The following NTM variants were observed in gnomAD, a reference collection of about 807,000 sequenced individuals.
The protein encoded by NTM is neurotrimin, also known as IgLON family member 2.
NTM carries 13 observed loss-of-function variants against 42.1 expected under a neutral mutation model. That is an observed-to-expected ratio of 0.31 (90% confidence interval 0.20 to 0.49). The LOEUF is 0.49. NTM is among the 20% of genes least tolerant of loss of function. The probability of loss-of-function intolerance (pLI) is 0.99; values close to 1 mark genes in which losing one functional copy is unlikely to be tolerated. For synonymous variants in NTM, 187 were observed against 179.2 expected, an observed-to-expected ratio of 1.04 and a Z score of -0.35; for missense variants, 373 against 452.8, an observed-to-expected ratio of 0.82 and a Z score of 1.60.
intron 2 of NTM, among the ~76,000 whole-genome samples, chr11:132,036,154 A>G (rs11603571): frequency 0.021 from 3,195 of 152,206 alleles, 73 homozygotes; most frequent in Middle Eastern, 0.037. Context: ...TTTCTTCTGC[A>G]TGGCGTGTTA....
chr11:132,143,324 CA>C (rs2069599137), intron 2 of NTM, among the ~76,000 whole-genome samples: 1 of 152,126 alleles, frequency 6.6e-6, no homozygotes. Context: ...ATCAGAAACC[CA>C]TGGAGTAAGG....
At chr11:131,743,944 A>G (rs980977060) in intron 1 of NTM, among the ~76,000 whole-genome samples, 3 of 152,190 alleles carry the variant, frequency 2.0e-5, no homozygotes, top group African/African-American at 7.2e-5. Flanking sequence ...TTCTTATGGC[A>G]TATTGTGATA....
At chr11:131,711,465 A>C (rs542102471) in intron 1 of NTM, among the ~76,000 whole-genome samples, 22 of 152,356 alleles carry the variant, frequency 1.4e-4, no homozygotes, top group Non-Finnish European at 2.4e-4. Context: ...GGCAATCATT[A>C]AAAAGTCAGG....
chr11:131,631,782 C>G (rs1214220990), intron 1 of NTM, among the ~76,000 whole-genome samples: 1 of 152,144 alleles, frequency 6.6e-6, no homozygotes, highest in Non-Finnish European at 1.5e-5. Context: ...AATGTCTGCC[C>G]TGTATCTTTC....
intron 2 of NTM, among the ~76,000 whole-genome samples, chr11:132,020,240 A>T (rs945586883): frequency 1.3e-5 from 2 of 152,016 alleles, no homozygotes; most frequent in Non-Finnish European, 2.9e-5. Flanking sequence ...TCTACCACTG[A>T]TGGGCACCTG....
At chr11:132,075,079 A>G (rs1231737881) in intron 2 of NTM, among the ~76,000 whole-genome samples, 1 of 152,194 alleles carries the variant, frequency 6.6e-6, no homozygotes. Context: ...AATGAAATAA[A>G]CCAGTCAGAA....
chr11:131,693,607 C>A (rs139387348), intron 1 of NTM, among the ~76,000 whole-genome samples: 7 of 152,188 alleles, frequency 4.6e-5, no homozygotes, highest in African/African-American at 1.7e-4. Context: ...CCAGCCCCAT[C>A]TGTTGCTGAG....
intron 1 of NTM, among the ~76,000 whole-genome samples, chr11:131,500,788 A>G (rs1367155109): frequency 7.8e-6 from 1 of 127,564 alleles, no homozygotes; most frequent in Non-Finnish European, 1.6e-5. Context: ...CCTGTGTCCA[A>G]GTGTTCTCAT....
At chr11:131,590,546 C>A (rs2137278727) in intron 1 of NTM, among the ~76,000 whole-genome samples, 1 of 152,340 alleles carries the variant, frequency 6.6e-6, no homozygotes, top group Middle Eastern at 3.4e-3. Context: ...CAGGTGTCCC[C>A]TGCACGACAA....
At chr11:131,595,028 T>C (rs759100539) in intron 1 of NTM, among the ~76,000 whole-genome samples, 54 of 152,226 alleles carry the variant, frequency 3.5e-4, no homozygotes, top group Non-Finnish European at 6.8e-4. Context: ...AGTCATATAA[T>C]GTATGCAGAA....
At chr11:131,704,282 G>A (rs770515057) in intron 1 of NTM, among the ~76,000 whole-genome samples, 2 of 152,168 alleles carry the variant, frequency 1.3e-5, no homozygotes, top group Non-Finnish European at 2.9e-5. Context: ...GCAAGCCCGA[G>A]GCTCATCCAT....
At chr11:132,228,146 G>C (rs1459785951) in intron 4 of NTM, among the ~76,000 whole-genome samples, 1 of 152,136 alleles carries the variant, frequency 6.6e-6, no homozygotes, top group Non-Finnish European at 1.5e-5. Flanking sequence ...GAAGTGCAGG[G>C]GCAACCCAAC....
chr11:131,557,900 A>C (rs2055671509), intron 1 of NTM, among the ~76,000 whole-genome samples: 1 of 152,208 alleles, frequency 6.6e-6, no homozygotes, highest in Admixed American at 6.5e-5. Flanking sequence ...CATGCAGCTC[A>C]GCTTTTGAGG....
intron 1 of NTM, among the ~76,000 whole-genome samples, chr11:131,550,166 A>C (rs923653499): frequency 2.0e-5 from 3 of 152,262 alleles, no homozygotes; most frequent in Non-Finnish European, 2.9e-5. Flanking sequence ...CTATGTGCCA[A>C]GCACAGTTCT....
At chr11:131,522,579 T>G (rs1380602482) in intron 1 of NTM, among the ~76,000 whole-genome samples, 1 of 152,142 alleles carries the variant, frequency 6.6e-6, no homozygotes, top group Non-Finnish European at 1.5e-5. Flanking sequence ...CTATTTGAGC[T>G]AAAGTAAAAC....
At chr11:131,702,479 C>T (rs534080538) in intron 1 of NTM, among the ~76,000 whole-genome samples, 12 of 152,218 alleles carry the variant, frequency 7.9e-5, no homozygotes, top group African/African-American at 1.2e-4. Flanking sequence ...GGTCACACAA[C>T]GAGCAGGTGG....
intron 4 of NTM, among the ~76,000 whole-genome samples, chr11:132,242,924 A>T (rs200896447): frequency 6.6e-6 from 1 of 152,212 alleles, no homozygotes; most frequent in African/African-American, 2.4e-5. Flanking sequence ...TGTGGCAGGG[A>T]GGAGAGTAGC....
intron 1 of NTM, among the ~76,000 whole-genome samples, chr11:131,779,777 GA>G (rs2087718231): frequency 6.6e-6 from 1 of 152,156 alleles, no homozygotes; most frequent in African/African-American, 2.4e-5. Flanking sequence ...AATCTGAAAA[GA>G]AAAGCTATAG....
At chr11:131,678,689 G>T (rs1473967365) in intron 1 of NTM, among the ~76,000 whole-genome samples, 1 of 152,050 alleles carries the variant, frequency 6.6e-6, no homozygotes, top group Non-Finnish European at 1.5e-5. Flanking sequence ...TCTTTCTTTG[G>T]CAAGAGCTCT....
Sources: gnomAD v4.1 joint callset for allele counts (sites outside exome capture counted in the v4.1 genomes callset) on GRCh38, gnomAD v4.1.1 for gene constraint, MANE v1.5 for transcripts, NCBI Gene and HGNC (gene_info 2026-07-23, HGNC 2026-07-21) for gene names.